The following DNAH11 variants were observed in gnomAD, a reference collection of about 807,000 sequenced individuals.
DNAH11 encodes the protein dynein axonemal heavy chain 11, also known as axonemal beta dynein heavy chain 11.
In DNAH11, 442 loss-of-function variants were observed where a neutral mutation model predicts 526.0. The observed-to-expected ratio is 0.84, with a 90% CI of 0.78 to 0.91. The LOEUF is 0.91. Among genes scored for constraint, DNAH11 ranks in the 40% least tolerant of loss-of-function variants. The pLI, the probability that DNAH11 is intolerant of heterozygous loss-of-function variation, is 0.00. For synonymous variants in DNAH11, 2,461 were observed against 1,935.9 expected, an observed-to-expected ratio of 1.27 and a Z score of -7.12; for missense variants, 6,989 against 5,448.7, an observed-to-expected ratio of 1.28 and a Z score of -8.90.
intron 25 of DNAH11, among the ~76,000 whole-genome samples, chr7:21,628,999 G>A (rs914941169): frequency 6.6e-5 from 10 of 152,004 alleles, no homozygotes; most frequent in African/African-American, 2.4e-4. Flanking sequence ...TTGTTAGGTT[G>A]TTGATTTGAA....
At chr7:21,672,970 T>C (rs1237855415) in intron 30 of DNAH11, among the ~76,000 whole-genome samples, 1 of 152,202 alleles carries the variant, frequency 6.6e-6, no homozygotes, top group East Asian at 1.9e-4. Context: ...GGGAACACTG[T>C]AGTCCTTTAG....
At chr7:21,600,160 G>T in intron 15 of DNAH11, 41 bp downstream of exon 15, 1 of 1,473,566 alleles carries the variant, frequency 6.8e-7, no homozygotes, top group East Asian at 2.3e-5. Context: ...TTATATTAAT[G>T]ATTCAAAAAC....
intron 2 of DNAH11, among the ~76,000 whole-genome samples, chr7:21,554,444 G>T (rs1339616804): frequency 6.6e-6 from 1 of 151,960 alleles, no homozygotes; most frequent in East Asian, 1.9e-4. Context: ...CAGCATGCTG[G>T]GATTATAGGC....
At chr7:21,722,322 G>A (rs763142818) in intron 44 of DNAH11, among the ~76,000 whole-genome samples, 17 of 152,084 alleles carry the variant, frequency 1.1e-4, no homozygotes, top group Non-Finnish European at 1.3e-4. Context: ...GGTACCTCAG[G>A]GCCTCTCATG....
intron 45 of DNAH11, among the ~76,000 whole-genome samples, chr7:21,728,891 G>C (rs927153758): frequency 4.6e-5 from 7 of 152,162 alleles, no homozygotes; most frequent in African/African-American, 1.4e-4. Context: ...ATCTTCTTTG[G>C]CTCAATGCCC....
intron 2 of DNAH11, among the ~76,000 whole-genome samples, chr7:21,555,276 G>A (rs910987823): frequency 1.3e-5 from 2 of 152,148 alleles, no homozygotes; most frequent in African/African-American, 2.4e-5. Flanking sequence ...AAACAGCAAC[G>A]CTTTATCATC....
chr7:21,734,857 C>CA (rs1002482728), intron 45 of DNAH11, among the ~76,000 whole-genome samples: 11 of 149,714 alleles, frequency 7.3e-5, no homozygotes, highest in South Asian at 2.1e-4. Context: ...GACCCTGTCT[C>CA]AAAAAAAATA....
At chr7:21,821,220 C>A (rs936478107) in intron 65 of DNAH11, among the ~76,000 whole-genome samples, 5 of 149,474 alleles carry the variant, frequency 3.3e-5, no homozygotes, top group Non-Finnish European at 7.5e-5. Flanking sequence ...CTAATAATTT[C>A]TCTTACTAGA....
intron 28 of DNAH11, among the ~76,000 whole-genome samples, chr7:21,649,067 C>CA (rs1222689313): frequency 2.6e-5 from 4 of 151,992 alleles, no homozygotes; most frequent in Non-Finnish European, 5.9e-5. Flanking sequence ...ATTTGGGATT[C>CA]AAAAAACACA....
chr7:21,543,348 C>G lies in DNAH11; in HGVS notation c.103C>G (p.Leu35Val). ...AGLEAVGAVE[L>V]EEEEENEEEA... ...CCTGGAGGCAGTGGGCGCTGTGGAG[C>G]TCGAGGAGGAGGAGGAGAACGAGGA... The change falls in exon 1 of 82, where the codon CTC becomes GTC. Residue 35 changes from leucine to valine, a missense_variant. Leu to Val is a conservative substitution (Grantham distance 32). Coordinates refer to ENST00000409508, the MANE Select transcript of DNAH11 (RefSeq NM_001277115.2). 6.5e-7 allele frequency: 1 copy of G among 1,550,286 alleles called. No individual in the cohort carries two copies. The highest frequency in any genetic ancestry group is 8.7e-7 in the Non-Finnish European group (1 of 1,146,072).
chr7:21,554,179 T>G (rs1172625967), intron 2 of DNAH11, among the ~76,000 whole-genome samples: 2 of 150,950 alleles, frequency 1.3e-5, no homozygotes, highest in East Asian at 3.9e-4. Context: ...GATTTTTTTT[T>G]TTTTTTTTTT....
intron 52 of DNAH11, 133 bp downstream of exon 52, chr7:21,748,875 C>T: frequency 5.8e-6 from 5 of 855,708 alleles, no homozygotes; most frequent in South Asian, 3.1e-5. Flanking sequence ...AGCGGGAGCT[C>T]TTTAAAGCAG....
chr7:21,723,759 C>T (rs1033624940), intron 44 of DNAH11, among the ~76,000 whole-genome samples: 1 of 151,590 alleles, frequency 6.6e-6, no homozygotes, highest in Admixed American at 6.6e-5. Context: ...CCTCCACCCC[C>T]AGCTACAGGG....
In DNAH11 at chr7:21,866,525, C is replaced by T. The variant is rs769928343; in HGVS notation, c.11552C>T (p.Ala3851Val). The change falls in exon 71 of 82, where the codon GCC becomes GTC. Residue 3851 changes from alanine (A) to valine (V), a missense_variant. Ala to Val is a moderately conservative substitution (Grantham distance 64). Coordinates refer to ENST00000409508, the MANE Select transcript of DNAH11 (RefSeq NM_001277115.2). The stretch of plus-strand genomic sequence containing the variant: ...ATAGACCGAGATGTGGAAGGATCTG[C>T]CAAGCAGTGGAGGAAGTGGGTAGAA... ...RGIDRDVEGS[A>V]KQWRKWVESE... The T allele has an allele frequency of 3.7e-6, 6 of 1,613,726 alleles. No individual in the cohort carries two copies. The South Asian group carries it at 6.6e-5, about 18-fold the overall frequency.
chr7:21,691,356 G>A (rs965927632), intron 35 of DNAH11, among the ~76,000 whole-genome samples: 24 of 151,580 alleles, frequency 1.6e-4, no homozygotes, highest in African/African-American at 2.2e-4. Context: ...GGGCTGGGGT[G>A]GGGGGAGCAG....
At chr7:21,578,523 T>C (rs939110703) in intron 8 of DNAH11, among the ~76,000 whole-genome samples, 1 of 152,194 alleles carries the variant, frequency 6.6e-6, no homozygotes, top group African/African-American at 2.4e-5. Flanking sequence ...TCCAGGTGTA[T>C]GGATCTACCA....
chr7:21,543,732 G>A, intron 1 of DNAH11, 136 bp downstream of exon 1: 1 of 903,430 alleles, frequency 1.1e-6, no homozygotes, highest in Non-Finnish European at 1.6e-6. Flanking sequence ...TCCCCATCCT[G>A]AGGCCCGCAG....
At position 21,748,719 on chromosome 7, in the gene DNAH11, G is replaced by A; in HGVS notation, c.8650G>A (p.Gly2884Ser). 3 of 1,613,340 alleles carry A rather than the reference G, an allele frequency of 1.9e-6. No individual in the cohort carries two copies. The highest frequency in any genetic ancestry group is 2.5e-6 in the Non-Finnish European group (3 of 1,179,562). ...GGTCTTTCAGATCACTCTGACCGAG[G>A]GCTATGGAATCCAGGAACTTCGGGT... ...LEVFQITLTEGYGIQELRVDL... is the reference protein window; with the variant it reads ...LEVFQITLTESYGIQELRVDL... The change falls in exon 52 of 82, where the codon GGC (glycine) becomes AGC (serine). Residue 2884 changes from glycine to serine, a missense_variant. Physicochemically the swap from Gly to Ser is moderately conservative, Grantham distance 56 (BLOSUM62 0). Coordinates refer to ENST00000409508, the MANE Select transcript of DNAH11 (RefSeq NM_001277115.2).
intron 25 of DNAH11, among the ~76,000 whole-genome samples, chr7:21,635,666 T>C (rs570861484): frequency 6.6e-6 from 1 of 152,280 alleles, no homozygotes; most frequent in South Asian, 2.1e-4. Context: ...CTTTTTTTCT[T>C]TTTGGAAAAA....
Sources: allele counts gnomAD v4.1 joint callset (sites outside exome capture counted in the v4.1 genomes callset), GRCh38; gene constraint gnomAD v4.1.1; transcripts MANE v1.5; gene names NCBI Gene and HGNC (gene_info 2026-07-23, HGNC 2026-07-21).